SEMA3A: variants seen among roughly 807,000 people sequenced by gnomAD.
The protein encoded by SEMA3A is semaphorin 3A, also known as semaphorin-3A.
Under a neutral mutation model 97.9 loss-of-function variants are expected in SEMA3A, and 29 were observed. The ratio of observed to expected loss-of-function variants is 0.30; its 90% CI spans 0.22 to 0.40. The LOEUF is 0.40. Ranked by LOEUF, SEMA3A falls within the 10% of genes least tolerant of loss-of-function variation. The pLI is 1.00. For missense variants in SEMA3A, 763 were observed against 951.3 expected (o/e 0.80, Z 2.60); for synonymous variants, 321 against 323.7 (o/e 0.99, Z 0.09).
chr7:84,242,128 G>A (rs973758669), intron 3 of SEMA3A, among the ~76,000 whole-genome samples: 1 of 151,958 alleles, frequency 6.6e-6, no homozygotes, highest in Non-Finnish European at 1.5e-5. Context: ...TTTGGTTTCA[G>A]ATGAAACTTA....
At position 84,444,839 on chromosome 7, in the gene SEMA3A, T is replaced by C. The variant is rs553032242; in HGVS notation, c.-246+47621A>G. Among the ~76,000 whole-genome samples, 3 of 152,096 alleles carry C rather than the reference T, an allele frequency of 2.0e-5. No homozygotes were observed. The East Asian group carries it at 5.8e-4, about 30-fold the overall frequency. ...CCTCCCAAAGTGCTGGGATTACAGG[T>C]GTGAGTACAGTGATTTTCTTATTTG... On this transcript the variant is annotated intron_variant, in intron 1 of 3. Transcript: ENST00000424555.
intron 2 of SEMA3A, among the ~76,000 whole-genome samples, chr7:84,334,074 A>G (rs1038535379): frequency 1.3e-5 from 2 of 152,166 alleles, no homozygotes; most frequent in African/African-American, 2.4e-5. Flanking sequence ...TTTTCTTAAA[A>G]GTTAATCATC....
intron 4 of SEMA3A, among the ~76,000 whole-genome samples, chr7:84,083,930 G>T (rs956782962): frequency 1.3e-5 from 2 of 151,900 alleles, no homozygotes; most frequent in African/African-American, 4.8e-5. Flanking sequence ...CATAGTTAAC[G>T]ATATAAAAGG....
intron 3 of SEMA3A, among the ~76,000 whole-genome samples, chr7:84,208,400 CGAGAT>C (rs1798548474): frequency 3.7e-5 from 2 of 54,346 alleles, no homozygotes; most frequent in Non-Finnish European, 1.1e-4. Flanking sequence ...TGCAGTGAGC[CGAGAT>C]CCTGCCACTG....
At chr7:84,136,010 CTAAT>C in intron 1 of SEMA3A, among the ~76,000 whole-genome samples, 1 of 152,196 alleles carries the variant, frequency 6.6e-6, no homozygotes, top group East Asian at 1.9e-4. Context: ...TGCTTGGAAG[CTAAT>C]TAATTATTGG....
intron 1 of SEMA3A, among the ~76,000 whole-genome samples, chr7:84,396,193 G>A (rs1296759216): frequency 6.6e-6 from 1 of 151,930 alleles, no homozygotes; most frequent in Non-Finnish European, 1.5e-5. Flanking sequence ...TATGAATTTT[G>A]AGATATAATT....
intron 7 of SEMA3A, among the ~76,000 whole-genome samples, chr7:84,013,775 A>G (rs1790982824): frequency 1.3e-5 from 2 of 152,168 alleles, no homozygotes; most frequent in African/African-American, 4.8e-5. Context: ...TGAACCAGGG[A>G]GGCGGAGTTT....
chr7:84,333,832 G>A (rs1310959412), intron 2 of SEMA3A, among the ~76,000 whole-genome samples: 1 of 151,996 alleles, frequency 6.6e-6, no homozygotes, highest in Admixed American at 6.6e-5. Context: ...GGGCATCAGG[G>A]AAGTTATTTT....
intron 6 of SEMA3A, among the ~76,000 whole-genome samples, chr7:84,034,496 A>G (rs1473121703): frequency 6.6e-6 from 1 of 152,320 alleles, no homozygotes; most frequent in Non-Finnish European, 1.5e-5. Context: ...TTGATTATCT[A>G]TAGTTTGGAA....
intron 1 of SEMA3A, among the ~76,000 whole-genome samples, chr7:84,396,387 G>A (rs893941839): frequency 3.3e-5 from 5 of 151,756 alleles, no homozygotes; most frequent in Non-Finnish European, 7.4e-5. Flanking sequence ...GTATAGTAAT[G>A]TAAAAAGGTA....
intron 1 of SEMA3A, among the ~76,000 whole-genome samples, chr7:84,453,231 C>CT (rs1805603182): frequency 6.8e-6 from 1 of 147,026 alleles, no homozygotes; most frequent in African/African-American, 2.5e-5. Flanking sequence ...GTTCATGAGA[C>CT]TTTGTTTCTT....
chr7:84,128,057 C>T (rs143923196), intron 3 of SEMA3A, among the ~76,000 whole-genome samples: 3,196 of 152,114 alleles, frequency 0.021, 107 homozygotes, highest in African/African-American at 0.073. Flanking sequence ...AAATACTGGG[C>T]TATTCCTCAA....
chr7:84,306,759 T>A (rs1388609514), intron 3 of SEMA3A: 3 of 152,170 alleles, frequency 2.0e-5, no homozygotes, highest in African/African-American at 7.2e-5. Flanking sequence ...GACTTCACCC[T>A]GAGTGTGGCA....
intron 2 of SEMA3A, among the ~76,000 whole-genome samples, chr7:84,359,780 G>C (rs952184140): frequency 5.3e-5 from 8 of 151,984 alleles, no homozygotes; most frequent in Non-Finnish European, 8.8e-5. Flanking sequence ...GACATTTTTT[G>C]CTTGGTAAGC....
At chr7:84,143,258 CCTTT>C (rs775516979) in intron 1 of SEMA3A, among the ~76,000 whole-genome samples, 6 of 151,856 alleles carry the variant, frequency 4.0e-5, no homozygotes, top group Non-Finnish European at 8.8e-5. Context: ...CTATCCCCTT[CCTTT>C]GATTTTCATG....
chr7:84,307,423 T>A (rs536886337), intron 2 of SEMA3A: 2 of 152,164 alleles, frequency 1.3e-5, no homozygotes, highest in Non-Finnish European at 2.9e-5. Flanking sequence ...TTGTGTGGGA[T>A]AATGTAATGT....
chr7:84,403,699 C>A (rs977238416), intron 1 of SEMA3A, among the ~76,000 whole-genome samples: 3 of 152,144 alleles, frequency 2.0e-5, no homozygotes, highest in African/African-American at 7.2e-5. Context: ...GACAAAACTT[C>A]CAGAGGAACG....
intron 1 of SEMA3A, among the ~76,000 whole-genome samples, chr7:84,406,752 A>C (rs1173140060): frequency 2.6e-5 from 4 of 152,106 alleles, no homozygotes; most frequent in African/African-American, 9.7e-5. Flanking sequence ...TCAACATATG[A>C]AAATCAATAA....
intron 1 of SEMA3A, among the ~76,000 whole-genome samples, chr7:84,413,368 C>T (rs529655672): frequency 6.6e-6 from 1 of 152,080 alleles, no homozygotes; most frequent in Admixed American, 6.6e-5. Flanking sequence ...TGCCTCATAC[C>T]TGTAATCTCA....
Sources: allele counts gnomAD v4.1 joint callset (sites outside exome capture counted in the v4.1 genomes callset), GRCh38; gene constraint gnomAD v4.1.1; transcripts MANE v1.5; gene names NCBI Gene and HGNC (gene_info 2026-07-23, HGNC 2026-07-21).